CDRT4: variants seen among roughly 807,000 people sequenced by gnomAD.
CDRT4 encodes the protein CMT1A duplicated region transcript 4 protein.
For synonymous variants in CDRT4, 64 were observed against 69.6 expected (o/e 0.92, Z 0.40); for missense variants, 167 against 193.1 (o/e 0.87, Z 0.80).
At chr17:15,444,037 A>C (rs1978902043) in intron 2 of CDRT4, 2 of 858,970 alleles carry the variant, frequency 2.3e-6, no homozygotes, top group African/African-American at 1.6e-5. Context: ...TCAGTATCTC[A>C]AACCCAGAAA....
intron 1 of CDRT4, among the ~76,000 whole-genome samples, chr17:15,466,642 TACAG>T (rs1198778235): frequency 3.3e-5 from 5 of 152,092 alleles, no homozygotes; most frequent in African/African-American, 1.2e-4. Flanking sequence ...ACACACTCAA[TACAG>T]ACACACACCT....
chr17:15,449,577 G>T (rs1355476878), intron 2 of CDRT4, among the ~76,000 whole-genome samples: 1 of 151,928 alleles, frequency 6.6e-6, no homozygotes, highest in Non-Finnish European at 1.5e-5. Flanking sequence ...ATTTATTTTA[G>T]ATTCAAGGGT....
Position 15,438,114 on chromosome 17 carries a change from C to T in CDRT4, c.118G>A (p.Val40Met). ...PAYVTYTSQT[V>M]KRLIEKSKTR... The stretch of plus-strand genomic sequence containing the variant: ...TTGCTTTTCTCAATGAGTCTTTTCA[C>T]TGTCTGAGAGGTATAGGTGACATAG... The change falls in exon 4 of 4, where the codon GTG becomes ATG. Residue 40 changes from valine to methionine, a missense_variant. Physicochemically the swap from Val to Met is conservative, Grantham distance 21. Transcript: ENST00000619038. 1.2e-6 allele frequency: 2 copies of T among 1,614,150 alleles called. No homozygotes were observed. Among genetic ancestry groups the T allele is most frequent in the Non-Finnish European group, 1.7e-6 (2 of 1,180,022 alleles).
chr17:15,464,998 AT>A lies in CDRT4; in HGVS notation c.-130+2461del, dbSNP rs1353128122. 6.7e-6 allele frequency among the ~76,000 whole-genome samples: 1 copy of A among 149,610 alleles called. No homozygotes were observed. The highest frequency in any genetic ancestry group is 1.5e-5 in the Non-Finnish European group (1 of 67,272). ...ACACACCAACACACAGACACACGCA[AT>A]ACAGACACACACAACACAGACACAC... is the stretch of plus-strand genomic sequence containing the variant. On this transcript the variant is annotated intron_variant, in intron 1 of 3. Transcript: ENST00000619038. This position sits in a 1 kb window ranked among gnomAD's most constrained non-coding sequence, Gnocchi z 4.5.
chr17:15,465,469 G>C (rs1979990914), intron 1 of CDRT4, among the ~76,000 whole-genome samples: 2 of 145,172 alleles, frequency 1.4e-5, no homozygotes, highest in Admixed American at 1.4e-4. Context: ...ACACATAACG[G>C]AGATACACAT....
intron 1 of CDRT4, among the ~76,000 whole-genome samples, chr17:15,454,910 T>C (rs2150794728): frequency 6.6e-6 from 1 of 152,290 alleles, no homozygotes; most frequent in Middle Eastern, 3.4e-3. Context: ...AGTAAAAGTA[T>C]TCCATGATCC....
chr17:15,451,781 C>T (rs1028213057), intron 2 of CDRT4, among the ~76,000 whole-genome samples: 17 of 152,232 alleles, frequency 1.1e-4, no homozygotes, highest in African/African-American at 4.1e-4. Flanking sequence ...AACATCACCA[C>T]CAGTCACTAT....
chr17:15,454,497 T>C (rs1328537952), intron 1 of CDRT4, among the ~76,000 whole-genome samples: 2 of 152,080 alleles, frequency 1.3e-5, no homozygotes, highest in Non-Finnish European at 1.5e-5. Context: ...CACAGGCACA[T>C]GCATACACAT....
chr17:15,445,303 T>G (rs972819997), intron 2 of CDRT4, among the ~76,000 whole-genome samples: 1 of 152,184 alleles, frequency 6.6e-6, no homozygotes, highest in African/African-American at 2.4e-5. Flanking sequence ...ATACAGATTG[T>G]TCAACCCAGG....
At chr17:15,458,741 G>A (rs1439315239) in intron 1 of CDRT4, among the ~76,000 whole-genome samples, 4 of 152,136 alleles carry the variant, frequency 2.6e-5, no homozygotes, top group African/African-American at 9.7e-5. Flanking sequence ...ACTGAGCCAG[G>A]TGAGCAGGAG....
In CDRT4 at chr17:15,436,473, T is replaced by C. The variant is rs1285451952; in HGVS notation, c.*1300A>G. The C allele has an allele frequency of 1.3e-5, 2 of 152,254 alleles. No homozygotes were observed. Among genetic ancestry groups the C allele is most frequent in the African/African-American group, 4.8e-5 (2 of 41,458 alleles). 9.4% of individuals were successfully genotyped at this position (152,254 alleles called of 1,614,324 possible). A position where few individuals can be genotyped will look rare whatever the true frequency, so the allele number is the denominator to read the frequency against. ...AACCAGCTGGGTCAGCCTGTCATAA[T>C]TGGATCCCTCTTGCATGTAAAGACA... On this transcript the variant is annotated 3_prime_UTR_variant, in exon 4 of 4. Coordinates refer to ENST00000619038, the MANE Select transcript of CDRT4 (RefSeq NM_001204477.2).
At chr17:15,455,634 A>C (rs940366390) in intron 1 of CDRT4, among the ~76,000 whole-genome samples, 4 of 152,204 alleles carry the variant, frequency 2.6e-5, no homozygotes, top group Middle Eastern at 3.2e-3. Flanking sequence ...CGTTCATCTT[A>C]AGGGAAGCCA....
chr17:15,446,917 T>C (rs991621976), intron 2 of CDRT4, among the ~76,000 whole-genome samples: 7 of 152,164 alleles, frequency 4.6e-5, no homozygotes, highest in Admixed American at 4.6e-4. Context: ...CCTATGGCCA[T>C]TCAACATATT....
intron 1 of CDRT4, among the ~76,000 whole-genome samples, chr17:15,465,134 TACAAAC>T (rs1979952655): frequency 1.5e-5 from 1 of 67,038 alleles, no homozygotes; most frequent in South Asian, 8.1e-4. Flanking sequence ...AACACACAGA[TACAAAC>T]ACAGACACAC....
chr17:15,437,463 T>G lies in CDRT4; in HGVS notation c.*310A>C, dbSNP rs140593838. The G allele has an allele frequency of 1.3e-4, 57 of 427,232 alleles. 1 individual carries two copies. In the East Asian group the frequency reaches 2.4e-3, roughly 18 times the overall value. 26.5% of individuals were successfully genotyped at this position (427,232 alleles called of 1,614,324 possible). A position where few individuals can be genotyped will look rare whatever the true frequency, so the allele number is the denominator to read the frequency against. Reference sequence around the variant, plus strand: ...ATTATCTCTAATAAAAGAGCTTGTGTGATTTCTGTCTCCTGCCTGGACCCA... The same window carrying G: ...ATTATCTCTAATAAAAGAGCTTGTGGGATTTCTGTCTCCTGCCTGGACCCA... On this transcript the variant is annotated 3_prime_UTR_variant, in exon 4 of 4. Transcript: ENST00000619038.
At chr17:15,443,788 G>A in intron 2 of CDRT4, 1 of 527,156 alleles carries the variant, frequency 1.9e-6, no homozygotes, top group Non-Finnish European at 3.7e-6. Flanking sequence ...AACAAAAAAG[G>A]CTCCGGGTTG....
intron 1 of CDRT4, among the ~76,000 whole-genome samples, chr17:15,462,166 C>T (rs1469115563): frequency 4.4e-5 from 6 of 137,690 alleles, no homozygotes; most frequent in African/African-American, 5.4e-5. Flanking sequence ...GTGGTCGTCA[C>T]GCCTGTAATC....
intron 1 of CDRT4, among the ~76,000 whole-genome samples, chr17:15,459,582 C>T (rs2150798201): frequency 6.6e-6 from 1 of 151,794 alleles, no homozygotes; most frequent in East Asian, 1.9e-4. Context: ...GTAGCTGGGA[C>T]AACAGGCACC....
intron 2 of CDRT4, chr17:15,443,786 A>G: frequency 1.9e-6 from 1 of 522,438 alleles, no homozygotes; most frequent in Admixed American, 2.1e-5. Flanking sequence ...AAAACAAAAA[A>G]GGCTCCGGGT....
Sources: gnomAD v4.1 joint callset for allele counts (sites outside exome capture counted in the v4.1 genomes callset) on GRCh38, gnomAD v4.1.1 for gene constraint, Gnocchi (gnomAD v3.1) non-coding constraint, MANE v1.5 for transcripts, NCBI Gene and HGNC (gene_info 2026-07-23, HGNC 2026-07-21) for gene names.